Variants in XPO1 observed in about 807,000 individuals in gnomAD.
The protein encoded by XPO1 is exportin-1.
A neutral mutation model predicts 133.3 loss-of-function variants in XPO1; 5 were observed. The observed-to-expected ratio is 0.04, with a 90% CI of 0.02 to 0.08. The LOEUF (loss-of-function observed/expected upper bound fraction) is 0.08, where lower values mean the gene tolerates loss of function less well. Ranked by LOEUF, XPO1 falls within the 10% of genes least tolerant of loss-of-function variation. The pLI is 1.00. For missense variants in XPO1, 506 were observed against 1,267.5 expected (o/e 0.40, Z 9.12); for synonymous variants, 419 against 408.2 (o/e 1.03, Z -0.32).
chr2:61,507,418 A>T (rs1431947713), intron 4 of XPO1, among the ~76,000 whole-genome samples: 2 of 151,962 alleles, frequency 1.3e-5, no homozygotes, highest in Non-Finnish European at 1.5e-5. Context: ...CACAAAAAAT[A>T]AAAAAATTAG....
intron 19 of XPO1, among the ~76,000 whole-genome samples, chr2:61,487,036 G>T (rs1423068912): frequency 2.0e-5 from 3 of 150,216 alleles, no homozygotes; most frequent in Non-Finnish European, 3.0e-5. Context: ...AGACTGGGGT[G>T]CAATGGCGCA....
chr2:61,525,056 G>C (rs1007518588), intron 3 of XPO1, among the ~76,000 whole-genome samples: 12 of 151,864 alleles, frequency 7.9e-5, no homozygotes, highest in African/African-American at 2.7e-4. Context: ...CCAAACTTGA[G>C]AAATCCACTG....
intron 4 of XPO1, among the ~76,000 whole-genome samples, chr2:61,515,745 C>T (rs1311386944): frequency 1.3e-5 from 2 of 151,944 alleles, no homozygotes; most frequent in Admixed American, 6.6e-5. Context: ...CAACTAAAGA[C>T]ATGAAACTGT....
intron 4 of XPO1, among the ~76,000 whole-genome samples, chr2:61,513,052 A>G (rs1698170172): frequency 6.6e-6 from 1 of 152,138 alleles, no homozygotes; most frequent in African/African-American, 2.4e-5. Context: ...AAAATTGAGT[A>G]AAATGAATCA....
At chr2:61,520,100 T>C (rs952858039) in intron 4 of XPO1, among the ~76,000 whole-genome samples, 6 of 152,088 alleles carry the variant, frequency 3.9e-5, no homozygotes, top group Non-Finnish European at 7.3e-5. Flanking sequence ...AAACGCACAA[T>C]ATGCACCCCA....
At chr2:61,522,055 G>A (rs1191929393) in intron 4 of XPO1, among the ~76,000 whole-genome samples, 1 of 150,928 alleles carries the variant, frequency 6.6e-6, no homozygotes, top group African/African-American at 2.4e-5. Context: ...ACTGTGCCCG[G>A]CCCATATTTT....
chr2:61,502,386 T>C, intron 4 of XPO1, 76 bp from the exon 5 acceptor site: 1 of 1,333,932 alleles, frequency 7.5e-7, no homozygotes. Flanking sequence ...GAGAACTAAT[T>C]AATGTGGGAA....
At chr2:61,503,488 G>A (rs1219983800) in intron 4 of XPO1, among the ~76,000 whole-genome samples, 4 of 151,822 alleles carry the variant, frequency 2.6e-5, no homozygotes, top group East Asian at 1.9e-4. Flanking sequence ...GCAGTGGCGC[G>A]ATCTCGCCTC....
chr2:61,511,540 T>C (rs1387982776), intron 4 of XPO1, among the ~76,000 whole-genome samples: 1 of 151,914 alleles, frequency 6.6e-6, no homozygotes, highest in East Asian at 1.9e-4. Flanking sequence ...GCCTCCTGAG[T>C]GGCTGAAACT....
At chr2:61,533,506 G>C (rs1437951575) in intron 2 of XPO1, among the ~76,000 whole-genome samples, 1 of 152,110 alleles carries the variant, frequency 6.6e-6, no homozygotes, top group Non-Finnish European at 1.5e-5. Context: ...TAAAAGTACA[G>C]AGAACCTTTA....
At chr2:61,484,174 CA>C (rs1696553690) in intron 20 of XPO1, 69 bp from the exon 21 acceptor site, 1 of 1,379,130 alleles carries the variant, frequency 7.3e-7, no homozygotes, top group African/African-American at 1.4e-5. Context: ...AGGGGAAAAG[CA>C]AGGCTTAATC....
intron 22 of XPO1, 124 bp from the exon 23 acceptor site, chr2:61,482,663 T>C: frequency 1.0e-6 from 1 of 975,340 alleles, no homozygotes; most frequent in Non-Finnish European, 1.5e-6. Flanking sequence ...TGGAATGCCG[T>C]GGCGCAATCT....
At chr2:61,488,862 G>A in intron 17 of XPO1, 91 bp from the exon 18 acceptor site, 3 of 1,398,512 alleles carry the variant, frequency 2.1e-6, no homozygotes, top group Non-Finnish European at 3.0e-6. Context: ...AGCACTCTGA[G>A]AGGCCGAGGC....
intron 2 of XPO1, among the ~76,000 whole-genome samples, chr2:61,532,644 T>A (rs940006622): frequency 1.6e-4 from 24 of 148,918 alleles, no homozygotes; most frequent in Admixed American, 1.4e-3. Context: ...GAGACCATCC[T>A]GGCCAATATG....
intron 4 of XPO1, 35 bp downstream of exon 4, chr2:61,522,576 C>A (rs2104749849): frequency 2.5e-6 from 4 of 1,586,234 alleles, no homozygotes; most frequent in Non-Finnish European, 3.5e-6. Flanking sequence ...CCAGGAAAAA[C>A]AAAACTCTGA....
intron 1 of XPO1, among the ~76,000 whole-genome samples, chr2:61,535,687 T>C (rs901072951): frequency 2.0e-5 from 3 of 152,152 alleles, no homozygotes; most frequent in African/African-American, 7.2e-5. Context: ...CTCAAGAAAT[T>C]AGGAGTTCAA....
chr2:61,497,239 C>CA (rs1697282552), intron 9 of XPO1, among the ~76,000 whole-genome samples: 1 of 152,104 alleles, frequency 6.6e-6, no homozygotes, highest in African/African-American at 2.4e-5. Flanking sequence ...TTTTTTGAGA[C>CA]AGAGTCTCGC....
intron 19 of XPO1, among the ~76,000 whole-genome samples, chr2:61,487,675 G>C (rs1328086280): frequency 6.6e-6 from 1 of 152,108 alleles, no homozygotes; most frequent in Admixed American, 6.5e-5. Flanking sequence ...AATTTTACAA[G>C]TTGAGGCATA....
chr2:61,528,697 GAC>G (rs1290184584), intron 2 of XPO1, among the ~76,000 whole-genome samples: 3 of 136,220 alleles, frequency 2.2e-5, no homozygotes, highest in South Asian at 2.4e-4. Flanking sequence ...TTTTTCATTT[GAC>G]AGTTTTTAAG....
Sources: allele counts gnomAD v4.1 joint callset (sites outside exome capture counted in the v4.1 genomes callset), GRCh38; gene constraint gnomAD v4.1.1; transcripts MANE v1.5; gene names NCBI Gene and HGNC (gene_info 2026-07-23, HGNC 2026-07-21).